Variants in ZSCAN5A observed in about 807,000 individuals in gnomAD.
ZSCAN5A encodes the protein zinc finger and SCAN domain-containing protein 5A.
In ZSCAN5A, 12 loss-of-function variants were observed where a neutral mutation model predicts 23.7. That is an observed-to-expected ratio of 0.51 (90% CI 0.32 to 0.82). The LOEUF (loss-of-function observed/expected upper bound fraction) is 0.82, where lower values mean the gene tolerates loss of function less well. ZSCAN5A is among the 40% of genes least tolerant of loss of function. The pLI is 0.03. For synonymous variants in ZSCAN5A, 257 were observed against 239.9 expected (o/e 1.07, Z -0.66); for missense variants, 597 against 617.9 (o/e 0.97, Z 0.36).
intron 2 of ZSCAN5A, chr19:56,246,283 G>T (rs968571485): frequency 1.6e-5 from 5 of 322,474 alleles, no homozygotes; most frequent in African/African-American, 4.4e-5. Flanking sequence ...AGTTTAGACA[G>T]GGCAGTCATT....
intron 2 of ZSCAN5A, chr19:56,244,265 C>T (rs1160335294): frequency 1.2e-6 from 2 of 1,607,556 alleles, no homozygotes; most frequent in Non-Finnish European, 1.7e-6. Context: ...GTGGCTGAGG[C>T]CCGACCTCCA....
At chr19:56,310,691 G>A (rs767204232) in intron 2 of ZSCAN5A, among the ~76,000 whole-genome samples, 5 of 152,198 alleles carry the variant, frequency 3.3e-5, no homozygotes, top group Non-Finnish European at 4.4e-5. Context: ...TGCCCCCACC[G>A]TCCTGAGGAA....
At chr19:56,247,629 T>C (rs2036023840) in intron 2 of ZSCAN5A, 1 of 154,712 alleles carries the variant, frequency 6.5e-6, no homozygotes, top group South Asian at 2.0e-4. Context: ...CAGAGCTTTA[T>C]TTTCTGTTTC....
chr19:56,256,261 T>C (rs953246053), intron 2 of ZSCAN5A, among the ~76,000 whole-genome samples: 5 of 152,178 alleles, frequency 3.3e-5, no homozygotes, highest in Non-Finnish European at 5.9e-5. Flanking sequence ...GGTGCGATCA[T>C]AGCTCACTGC....
At chr19:56,275,637 C>CT (rs1361517795) in intron 2 of ZSCAN5A, among the ~76,000 whole-genome samples, 1 of 152,174 alleles carries the variant, frequency 6.6e-6, no homozygotes, top group Admixed American at 6.5e-5. Flanking sequence ...AGTGTGATGA[C>CT]CACAGATTCT....
chr19:56,244,291 C>A lies in ZSCAN5A; in HGVS notation c.-127-19118G>T, dbSNP rs749034189. ...CCGACCTCCACACCAAAGAGCAGATCCTGGACATGCTGGTGATGGAGCAGT... is the reference window on the plus strand; with the variant it reads ...CCGACCTCCACACCAAAGAGCAGATACTGGACATGCTGGTGATGGAGCAGT... On this transcript the variant is annotated intron_variant, in intron 2 of 5. Transcript: ENST00000683990. The A allele has an allele frequency of 3.1e-6, 5 of 1,610,078 alleles. No homozygotes were observed. In the African/African-American group the frequency reaches 6.7e-5, roughly 22 times the overall value.
At chr19:56,238,038 AGGAGTCG>A (rs1568627928) in intron 2 of ZSCAN5A, among the ~76,000 whole-genome samples, 3 of 6,446 alleles carry the variant, frequency 4.7e-4, no homozygotes, top group Non-Finnish European at 7.4e-4. Flanking sequence ...AAAGCAAGCC[AGGAGTCG>A]TGGCATATGT....
intron 2 of ZSCAN5A, among the ~76,000 whole-genome samples, chr19:56,232,722 A>T (rs892999007): frequency 6.6e-6 from 1 of 151,740 alleles, no homozygotes; most frequent in African/African-American, 2.4e-5. Context: ...TCTGTTGCCC[A>T]GGCTGAAGCA....
At chr19:56,333,089 AT>A (rs950540545) in intron 2 of ZSCAN5A, among the ~76,000 whole-genome samples, 165 of 143,136 alleles carry the variant, frequency 1.2e-3, no homozygotes, top group Admixed American at 1.2e-3. Context: ...TGTCTTTAAG[AT>A]TTTTTTTTTT....
At chr19:56,301,323 G>A (rs2040213544) in intron 2 of ZSCAN5A, among the ~76,000 whole-genome samples, 1 of 152,102 alleles carries the variant, frequency 6.6e-6, no homozygotes, top group Non-Finnish European at 1.5e-5. Context: ...CTGGAGCTGA[G>A]GGTGCCTCCC....
intron 2 of ZSCAN5A, chr19:56,298,230 C>CAAAATAACAAT (rs2040006228): frequency 6.6e-6 from 1 of 151,946 alleles, no homozygotes; most frequent in Non-Finnish European, 1.5e-5. Flanking sequence ...TTGCAGGTAA[C>CAAAATAACAAT]AAAATAACAA....
intron 2 of ZSCAN5A, among the ~76,000 whole-genome samples, chr19:56,362,052 G>T (rs2041736987): frequency 6.6e-6 from 1 of 151,686 alleles, no homozygotes; most frequent in Non-Finnish European, 1.5e-5. Flanking sequence ...CAGCTACTCG[G>T]GAGGCTGAGG....
intron 2 of ZSCAN5A, among the ~76,000 whole-genome samples, chr19:56,285,722 G>A (rs1453049016): frequency 3.3e-5 from 5 of 151,206 alleles, no homozygotes; most frequent in South Asian, 2.1e-4. Flanking sequence ...CTCGTGATCC[G>A]CCCGCCTTGG....
chr19:56,300,603 A>C (rs958380109), intron 2 of ZSCAN5A, among the ~76,000 whole-genome samples: 8 of 152,230 alleles, frequency 5.3e-5, no homozygotes, highest in Non-Finnish European at 1.2e-4. Context: ...AGATTAGTGT[A>C]AACGTTGAAG....
At chr19:56,340,415 C>T (rs1311058482) in intron 2 of ZSCAN5A, among the ~76,000 whole-genome samples, 1 of 152,150 alleles carries the variant, frequency 6.6e-6, no homozygotes, top group East Asian at 1.9e-4. Context: ...TCCAGGAGAA[C>T]GAAGTTCAAA....
chr19:56,284,459 G>A (rs879918142), intron 2 of ZSCAN5A, among the ~76,000 whole-genome samples: 5 of 150,156 alleles, frequency 3.3e-5, no homozygotes, highest in Non-Finnish European at 7.4e-5. Flanking sequence ...AGTCTGGTGG[G>A]AAACAGAGAT....
chr19:56,347,406 A>G (rs954605324), intron 2 of ZSCAN5A: 2 of 152,148 alleles, frequency 1.3e-5, no homozygotes, highest in African/African-American at 4.8e-5. Context: ...AACTGCAGAT[A>G]TAGCTTGCCA....
intron 2 of ZSCAN5A, chr19:56,303,006 C>T (rs1049881661): frequency 2.0e-5 from 8 of 396,216 alleles, no homozygotes; most frequent in South Asian, 1.4e-4. Context: ...GAGGCAGTGG[C>T]GCTTATCTCA....
intron 2 of ZSCAN5A, among the ~76,000 whole-genome samples, chr19:56,290,859 T>C (rs1261120797): frequency 2.6e-5 from 4 of 152,204 alleles, no homozygotes; most frequent in Admixed American, 2.6e-4. Flanking sequence ...AAGTTATTTT[T>C]CCTTTCCTAT....
Sources: allele counts gnomAD v4.1 joint callset (sites outside exome capture counted in the v4.1 genomes callset), GRCh38; gene constraint gnomAD v4.1.1; transcripts MANE v1.5; gene names NCBI Gene and HGNC (gene_info 2026-07-23, HGNC 2026-07-21).